PALM2AKAP2: variants seen among roughly 807,000 people sequenced by gnomAD.
PALM2AKAP2 encodes the protein PALM2-AKAP2 fusion protein.
A neutral mutation model predicts 71.5 loss-of-function variants in PALM2AKAP2; 37 were observed. That is an observed-to-expected ratio of 0.52 (90% CI 0.40 to 0.68). The LOEUF (loss-of-function observed/expected upper bound fraction) is 0.68. Among genes scored for constraint, PALM2AKAP2 ranks in the 30% least tolerant of loss-of-function variants. The probability of loss-of-function intolerance (pLI) is 0.00; values close to 1 mark genes in which losing one functional copy is unlikely to be tolerated. For missense variants in PALM2AKAP2, 1,224 were observed against 1,191.8 expected (o/e 1.03, Z -0.40); for synonymous variants, 468 against 478.8 (o/e 0.98, Z 0.29).
intron 6 of PALM2AKAP2, among the ~76,000 whole-genome samples, chr9:109,932,708 C>G (rs756259967): frequency 1.4e-5 from 2 of 138,176 alleles, no homozygotes; most frequent in South Asian, 2.4e-4. Flanking sequence ...AGCAATAAAT[C>G]TGTACACGAA....
chr9:109,985,946 G>A (rs762929817), intron 6 of PALM2AKAP2, among the ~76,000 whole-genome samples: 21 of 152,002 alleles, frequency 1.4e-4, no homozygotes, highest in Admixed American at 4.6e-4. Flanking sequence ...CACTGCACCC[G>A]GCCTTTGAGT....
chr9:110,078,144 C>T (rs751213888), intron 1 of PALM2AKAP2, among the ~76,000 whole-genome samples: 6 of 152,152 alleles, frequency 3.9e-5, no homozygotes, highest in Non-Finnish European at 7.3e-5. Context: ...AATGAATAGG[C>T]GTGGCTGTGT....
Position 110,138,051 on chromosome 9 carries a change from C to A in PALM2AKAP2, c.2081C>A (p.Ala694Glu). ...GGAGCAGAGCAACAGGGACCTGAAGCGACTGTAGAGGAAGCTGAAGCTGCG... is the reference window on the plus strand; with the variant it reads ...GGAGCAGAGCAACAGGGACCTGAAGAGACTGTAGAGGAAGCTGAAGCTGCG... The change falls in exon 2 of 4, where the codon GCG (alanine) becomes GAG (glutamate). Residue 694 changes from alanine (A) to glutamate (E), a missense_variant. By Grantham distance (107) the Ala-to-Glu change is moderately radical. Transcript: ENST00000374525. The A allele has an allele frequency of 6.2e-7, 1 of 1,609,002 alleles. No homozygotes were observed. Among genetic ancestry groups the A allele is most frequent in the African/African-American group, 1.3e-5 (1 of 74,226 alleles).
At chr9:109,679,434 T>C (rs921378182) in intron 1 of PALM2AKAP2, among the ~76,000 whole-genome samples, 31 of 152,166 alleles carry the variant, frequency 2.0e-4, no homozygotes, top group African/African-American at 7.2e-4. Flanking sequence ...TGGGAGTAAA[T>C]TGCCACTTCC....
chr9:109,886,372 C>T (rs957412005), intron 3 of PALM2AKAP2, among the ~76,000 whole-genome samples: 1 of 152,182 alleles, frequency 6.6e-6, no homozygotes, highest in African/African-American at 2.4e-5. Flanking sequence ...TGTTGTTTAC[C>T]TTGTCACTTT....
intron 1 of PALM2AKAP2, among the ~76,000 whole-genome samples, chr9:109,699,910 G>A (rs928105740): frequency 6.6e-6 from 1 of 151,986 alleles, no homozygotes; most frequent in Admixed American, 6.6e-5. Context: ...TGAGTAGCTG[G>A]GACTACAGGC....
At chr9:109,910,842 G>A (rs903411244) in intron 3 of PALM2AKAP2, among the ~76,000 whole-genome samples, 2 of 152,214 alleles carry the variant, frequency 1.3e-5, no homozygotes, top group Non-Finnish European at 2.9e-5. Context: ...GTCAGGATGT[G>A]AGGATGTTGA....
chr9:110,053,527 C>CAAAAAAAAAAAAAAAAAAAAAAA (rs56132919), intron 1 of PALM2AKAP2, among the ~76,000 whole-genome samples: 1 of 82,862 alleles, frequency 1.2e-5, no homozygotes, highest in Admixed American at 1.6e-4. Flanking sequence ...AACTCTGTCT[C>CAAAAAAAAAAAAAAAAAAAAAAA]AAAAAAAAAA....
intron 1 of PALM2AKAP2, among the ~76,000 whole-genome samples, chr9:109,860,509 T>C (rs1033437667): frequency 6.6e-6 from 1 of 152,210 alleles, no homozygotes; most frequent in East Asian, 1.9e-4. Context: ...CACAGGCTAG[T>C]TGGCCAAAGT....
intron 1 of PALM2AKAP2, among the ~76,000 whole-genome samples, chr9:109,737,274 A>G (rs1408045075): frequency 6.6e-6 from 1 of 152,220 alleles, no homozygotes. Flanking sequence ...AGGTCCAGCA[A>G]ACTGGGTGGC....
intron 1 of PALM2AKAP2, among the ~76,000 whole-genome samples, chr9:110,079,940 G>A (rs1005179427): frequency 2.0e-5 from 3 of 151,732 alleles, no homozygotes; most frequent in Non-Finnish European, 4.4e-5. Flanking sequence ...CGTGGTGGCA[G>A]GATCCTGTAA....
At chr9:109,817,059 G>C (rs575935531) in intron 1 of PALM2AKAP2, among the ~76,000 whole-genome samples, 2 of 152,126 alleles carry the variant, frequency 1.3e-5, no homozygotes, top group South Asian at 4.1e-4. Context: ...CAGTGAATCA[G>C]TATTTTAAGG....
intron 1 of PALM2AKAP2, among the ~76,000 whole-genome samples, chr9:110,054,001 A>G (rs1053326331): frequency 6.6e-6 from 1 of 152,228 alleles, no homozygotes; most frequent in African/African-American, 2.4e-5. Flanking sequence ...TGCGCCCTTT[A>G]TCCAGAACCA....
chr9:109,772,545 C>T (rs1829284741), intron 1 of PALM2AKAP2, among the ~76,000 whole-genome samples: 1 of 152,236 alleles, frequency 6.6e-6, no homozygotes, highest in Admixed American at 6.5e-5. Context: ...TTTCTCCCAT[C>T]TCATCCTCTG....
intron 1 of PALM2AKAP2, among the ~76,000 whole-genome samples, chr9:109,805,244 C>T (rs1382881420): frequency 2.0e-5 from 3 of 152,184 alleles, no homozygotes; most frequent in Non-Finnish European, 4.4e-5. Flanking sequence ...GGCTGCAAGC[C>T]AAGCACAGGG....
At chr9:110,143,785 C>A (rs1439302815) in intron 2 of PALM2AKAP2, among the ~76,000 whole-genome samples, 1 of 152,102 alleles carries the variant, frequency 6.6e-6, no homozygotes, top group Non-Finnish European at 1.5e-5. Context: ...CCCCGTGAGA[C>A]CTACATTATG....
chr9:109,974,463 C>T (rs1438484274), intron 6 of PALM2AKAP2, among the ~76,000 whole-genome samples: 1 of 151,488 alleles, frequency 6.6e-6, no homozygotes, highest in African/African-American at 2.4e-5. Flanking sequence ...AAAAAAAAAA[C>T]CCAAAGACCC....
intron 2 of PALM2AKAP2, among the ~76,000 whole-genome samples, chr9:109,872,059 T>C (rs1015954019): frequency 6.6e-6 from 1 of 152,216 alleles, no homozygotes; most frequent in Non-Finnish European, 1.5e-5. Flanking sequence ...ATTTCTGACT[T>C]ACATTTGAGT....
At chr9:109,675,842 C>T (rs531679009) in intron 1 of PALM2AKAP2, among the ~76,000 whole-genome samples, 102 of 152,174 alleles carry the variant, frequency 6.7e-4, no homozygotes, top group Non-Finnish European at 1.2e-3. Context: ...CTAGTCAACA[C>T]TTACCTATGC....
Sources: allele counts gnomAD v4.1 joint callset (sites outside exome capture counted in the v4.1 genomes callset), GRCh38; gene constraint gnomAD v4.1.1; transcripts MANE v1.5; gene names NCBI Gene and HGNC (gene_info 2026-07-23, HGNC 2026-07-21).